Variants in STAC observed in about 807,000 individuals in gnomAD.
STAC encodes SH3 and cysteine-rich domain-containing protein.
STAC carries 43 observed loss-of-function variants against 48.8 expected under a neutral mutation model. The ratio of observed to expected loss-of-function variants is 0.88; its 90% CI spans 0.69 to 1.14. The LOEUF is 1.14. STAC is among the 50% of genes most tolerant of loss of function. STAC has a pLI of 0.00. For missense variants in STAC, 497 were observed against 504.0 expected (o/e 0.99, Z 0.13); for synonymous variants, 193 against 179.5 (o/e 1.07, Z -0.60).
At chr3:36,532,112 A>T (rs1391279263) in intron 10 of STAC, among the ~76,000 whole-genome samples, 1 of 152,126 alleles carries the variant, frequency 6.6e-6, no homozygotes, top group Non-Finnish European at 1.5e-5. Flanking sequence ...CACACACACA[A>T]CACACACATC....
chr3:36,414,495 G>A (rs1354467749), intron 1 of STAC, among the ~76,000 whole-genome samples: 1 of 152,156 alleles, frequency 6.6e-6, no homozygotes, highest in Non-Finnish European at 1.5e-5. Context: ...CATGCATCAC[G>A]TAGTTCTCGT....
intron 2 of STAC, among the ~76,000 whole-genome samples, chr3:36,462,426 A>G (rs1271566869): frequency 6.6e-6 from 1 of 152,074 alleles, no homozygotes; most frequent in East Asian, 1.9e-4. Flanking sequence ...TAGAGATATA[A>G]TTTTGAAATA....
chr3:36,417,118 A>C (rs1330297893), intron 1 of STAC, among the ~76,000 whole-genome samples: 1 of 152,092 alleles, frequency 6.6e-6, no homozygotes, highest in Non-Finnish European at 1.5e-5. Flanking sequence ...AGTGTGCCCC[A>C]AACTGGCATT....
chr3:36,483,199 C>T, intron 3 of STAC, 107 bp downstream of exon 3: 1 of 767,960 alleles, frequency 1.3e-6, no homozygotes, highest in Non-Finnish European at 2.1e-6. Context: ...CTGAGCAAAG[C>T]ACCCCAGAAC....
chr3:36,445,353 A>T lies in STAC; in HGVS notation c.388+1713A>T, dbSNP rs566509576. Among the ~76,000 whole-genome samples, 9 of 152,316 alleles carry T rather than the reference A, an allele frequency of 5.9e-5. No individual in the cohort carries two copies. In the South Asian group the frequency reaches 1.9e-3, roughly 32 times the overall value. The stretch of plus-strand genomic sequence containing the variant: ...CCATTTTATCTTTATAAAGAAAGAA[A>T]AAAAAGAATCAACGAGTCTCACTGC... On this transcript the variant is annotated intron_variant, in intron 2 of 10. Coordinates refer to ENST00000273183, the MANE Select transcript of STAC (RefSeq NM_003149.3).
At position 36,458,354 on chromosome 3, in the gene STAC, G is replaced by A. The variant is rs79355243; in HGVS notation, c.388+14714G>A. ...TATTGAGAGATATCTAAAGTTTAGG[G>A]GCAGTTTAAGTTGTAATGATCTAAC... On this transcript the variant is annotated intron_variant, in intron 2 of 10. Coordinates refer to ENST00000273183, the MANE Select transcript of STAC (RefSeq NM_003149.3). Among the ~76,000 whole-genome samples, 1,076 of 152,132 alleles carry A rather than the reference G, an allele frequency of 7.1e-3. 11 individuals carry two copies. Among genetic ancestry groups the A allele is most frequent in the African/African-American group, 0.025 (1,026 of 41,494 alleles).
At position 36,468,773 on chromosome 3, in the gene STAC, T is replaced by TG. The variant is rs201023162; in HGVS notation, c.389-14219_389-14218insG. Among the ~76,000 whole-genome samples, 1,282 of 146,746 alleles carry TG rather than the reference T, an allele frequency of 8.7e-3. 9 individuals are homozygous for TG. The highest frequency in any genetic ancestry group is 0.014 in the Admixed American group (212 of 14,776). ...ATATGTGTGTGTGTGTGTGTGTGTG[T>TG]TTGTGTGTGTTTATATTTAGAATTG... On this transcript the variant is annotated intron_variant, in intron 2 of 10. Coordinates refer to ENST00000273183, the MANE Select transcript of STAC (RefSeq NM_003149.3).
chr3:36,386,556 AT>A (rs1356643589), intron 1 of STAC, among the ~76,000 whole-genome samples: 1 of 151,816 alleles, frequency 6.6e-6, no homozygotes, highest in Non-Finnish European at 1.5e-5. Flanking sequence ...ATATTCTATT[AT>A]TATTTTCTAG....
At chr3:36,496,808 G>C (rs577010172) in intron 6 of STAC, among the ~76,000 whole-genome samples, 1 of 152,260 alleles carries the variant, frequency 6.6e-6, no homozygotes, top group Admixed American at 6.5e-5. Context: ...GCCTATTTCA[G>C]CTCCAAATGC....
chr3:36,498,995 T>C (rs757954443), intron 6 of STAC, among the ~76,000 whole-genome samples: 1 of 152,178 alleles, frequency 6.6e-6, no homozygotes, highest in African/African-American at 2.4e-5. Context: ...ACAGTATAAG[T>C]GAAATAACAG....
chr3:36,398,408 G>GAA (rs1699914876), intron 1 of STAC, among the ~76,000 whole-genome samples: 1 of 139,808 alleles, frequency 7.2e-6, no homozygotes, highest in Non-Finnish European at 1.5e-5. Context: ...TAAAGAGAAA[G>GAA]AGAGAGGGAA....
At chr3:36,467,724 T>G (rs1443971663) in intron 2 of STAC, among the ~76,000 whole-genome samples, 1 of 152,062 alleles carries the variant, frequency 6.6e-6, no homozygotes, top group Non-Finnish European at 1.5e-5. Flanking sequence ...CTTATTTGGA[T>G]CTTTTTTCTT....
chr3:36,414,563 GTTAGCCA>G (rs1347765654), intron 1 of STAC, among the ~76,000 whole-genome samples: 12 of 152,208 alleles, frequency 7.9e-5, no homozygotes, highest in African/African-American at 2.9e-4. Context: ...GGTTATTCTA[GTTAGCCA>G]TTCATCTAAT....
intron 1 of STAC, among the ~76,000 whole-genome samples, chr3:36,441,945 G>GTT (rs11389119): frequency 1.2e-4 from 18 of 151,680 alleles, no homozygotes; most frequent in Non-Finnish European, 2.1e-4. Flanking sequence ...GGAGGTTTGT[G>GTT]TTTTTTTTGC....
At chr3:36,398,629 AG>A (rs1699933535) in intron 1 of STAC, among the ~76,000 whole-genome samples, 1 of 99,912 alleles carries the variant, frequency 1.0e-5, no homozygotes, top group Non-Finnish European at 2.2e-5. Context: ...AGAGAAAAAG[AG>A]AGAGAAAGAA....
In STAC at chr3:36,539,234, C is replaced by G. The variant is rs571893990; in HGVS notation, c.1111-6957C>G. 2.6e-5 allele frequency among the ~76,000 whole-genome samples: 4 copies of G among 151,916 alleles called. No homozygotes were observed. In the East Asian group the frequency reaches 7.7e-4, roughly 29 times the overall value. Reference sequence around the variant, plus strand: ...AACTTTTATTTTAAGTTCAGGGGTACAGTGCAGGTTTGTTATATAGTTAAA... The same window carrying G: ...AACTTTTATTTTAAGTTCAGGGGTAGAGTGCAGGTTTGTTATATAGTTAAA... On this transcript the variant is annotated intron_variant, in intron 10 of 10. Coordinates refer to ENST00000273183, the MANE Select transcript of STAC (RefSeq NM_003149.3).
chr3:36,476,463 C>T (rs1353985567), intron 2 of STAC, among the ~76,000 whole-genome samples: 1 of 152,146 alleles, frequency 6.6e-6, no homozygotes, highest in Non-Finnish European at 1.5e-5. Context: ...AGGCGTGACC[C>T]AGCCACCCTT....
At chr3:36,433,359 G>A (rs1700751740) in intron 1 of STAC, among the ~76,000 whole-genome samples, 2 of 152,172 alleles carry the variant, frequency 1.3e-5, no homozygotes, top group South Asian at 2.1e-4. Flanking sequence ...CCAGCAGGAA[G>A]GATCCCATTT....
intron 6 of STAC, among the ~76,000 whole-genome samples, chr3:36,493,933 G>A (rs1698062795): frequency 6.6e-6 from 1 of 151,424 alleles, no homozygotes; most frequent in South Asian, 2.1e-4. Context: ...GGCGGATCAC[G>A]AGGTCAGGAG....
Sources: allele counts gnomAD v4.1 joint callset (sites outside exome capture counted in the v4.1 genomes callset), GRCh38; gene constraint gnomAD v4.1.1; transcripts MANE v1.5; gene names NCBI Gene and HGNC (gene_info 2026-07-23, HGNC 2026-07-21).